CALCA: variants seen among roughly 807,000 people sequenced by gnomAD.
CALCA encodes calcitonin.
In CALCA, 4 loss-of-function variants were observed where a neutral mutation model predicts 6.9. That is an observed-to-expected ratio of 0.58 (90% CI 0.29 to 1.33). CALCA has a LOEUF of 1.33. Among genes scored for constraint, CALCA ranks in the 40% most tolerant of loss-of-function variants. The pLI, the probability that CALCA is intolerant of heterozygous loss-of-function variation, is 0.09. For synonymous variants in CALCA, 78 were observed against 70.0 expected, an observed-to-expected ratio of 1.11 and a Z score of -0.57; for missense variants, 174 against 178.3, an observed-to-expected ratio of 0.98 and a Z score of 0.14.
At chr11:14,969,863 C>T in intron 3 of CALCA, 72 bp downstream of exon 3, 1 of 1,608,454 alleles carries the variant, frequency 6.2e-7, no homozygotes. Flanking sequence ...TCTCTCCTAC[C>T]TCTCGGGATC....
At chr11:14,971,374 C>T (rs1849601188) in intron 1 of CALCA, among the ~76,000 whole-genome samples, 173 bp from the exon 2 acceptor site, 1 of 152,150 alleles carries the variant, frequency 6.6e-6, no homozygotes, top group South Asian at 2.1e-4. Context: ...CAGTGGACTT[C>T]TGGGAGGTTC....
At chr11:14,968,176 A>C (rs1165839550), downstream of CALCA, 2 of 411,786 alleles carry the variant, frequency 4.9e-6, no homozygotes, top group Non-Finnish European at 9.1e-6. Context: ...ATGACACTGG[A>C]GTGAATTATG....
downstream of CALCA, chr11:14,967,933 T>A: frequency 1.3e-6 from 2 of 1,545,634 alleles, no homozygotes; most frequent in South Asian, 1.1e-5. Context: ...GGGACCTTCA[T>A]GGTAAAGTTG....
chr11:14,970,627 C>T (rs991578083), intron 2 of CALCA, among the ~76,000 whole-genome samples: 3 of 152,108 alleles, frequency 2.0e-5, no homozygotes, highest in East Asian at 1.9e-4. Context: ...AGGCCGGGCG[C>T]GGTGGCTCAC....
chr11:14,968,311 A>G, downstream of CALCA: 1 of 418,902 alleles, frequency 2.4e-6, no homozygotes, highest in African/African-American at 2.1e-5. Flanking sequence ...CGGAGTTTGC[A>G]GCATCAAGTC....
chr11:14,969,809 G>C, intron 3 of CALCA, 126 bp downstream of exon 3: 4 of 1,451,814 alleles, frequency 2.8e-6, no homozygotes, highest in Non-Finnish European at 3.8e-6. Flanking sequence ...TGGGCCCCAG[G>C]TCCCGGTGAA....
chr11:14,967,976 T>C, downstream of CALCA: 1 of 1,145,076 alleles, frequency 8.7e-7, no homozygotes, highest in Non-Finnish European at 1.3e-6. Context: ...ACTTTAAGTG[T>C]TTCTCCTAAA....
chr11:14,970,974 C>CA, intron 2 of CALCA, 133 bp downstream of exon 2: 2 of 701,840 alleles, frequency 2.8e-6, no homozygotes, highest in East Asian at 2.7e-5. Context: ...ATTTTTATAT[C>CA]AAAAAATTAT....
downstream of CALCA, chr11:14,967,899 G>A: frequency 6.2e-7 from 1 of 1,612,666 alleles, no homozygotes. Flanking sequence ...GTGAGTGAGA[G>A]GCTGGGAGAG....
downstream of CALCA, chr11:14,967,524 G>A (rs542079308): frequency 4.7e-6 from 4 of 847,032 alleles, no homozygotes; most frequent in Admixed American, 4.9e-5. Flanking sequence ...AAATTCTAGG[G>A]TCTTAGCTAC....
chr11:14,967,631 AC>A, downstream of CALCA: 1 of 1,610,738 alleles, frequency 6.2e-7, no homozygotes, highest in Non-Finnish European at 8.5e-7. Flanking sequence ...CCCTGTAAAA[AC>A]CAGTCATTCA....
chr11:14,967,762 T>C (rs1849490962), downstream of CALCA: 1 of 1,614,226 alleles, frequency 6.2e-7, no homozygotes. Context: ...CACAAAGTTG[T>C]TCTTCACCAC....
At position 14,972,282 on chromosome 11, in the gene CALCA, G is replaced by A; in HGVS notation, c.-47C>T. ...GGCTTGGATCAGAGGCGGTGGCAGC[G>A]GCGGCGGCGGCGTCCAGCCAGAGCC... On this transcript the variant is annotated 5_prime_UTR_variant, in exon 1 of 4. Coordinates refer to ENST00000331587, the MANE Select transcript of CALCA (RefSeq NM_001741.3). 1.3e-5 allele frequency: 2 copies of A among 154,966 alleles called. No homozygotes were observed. Among genetic ancestry groups the A allele is most frequent in the East Asian group, 1.9e-4 (1 of 5,248 alleles). The allele number at this position is 154,966 out of a possible 1,614,324, so 9.6% of individuals were successfully genotyped here.
chr11:14,971,592 C>T (rs1849607505), intron 1 of CALCA, among the ~76,000 whole-genome samples: 1 of 152,194 alleles, frequency 6.6e-6, no homozygotes, highest in Non-Finnish European at 1.5e-5. Flanking sequence ...TCCTCCTCTT[C>T]TGGGGCTTTT....
chr11:14,968,841 T>C lies in CALCA; in HGVS notation c.384A>G (p.Arg128=), dbSNP rs1555025837. 6 of 1,614,170 alleles carry C rather than the reference T, an allele frequency of 3.7e-6. No individual in the cohort carries two copies. The South Asian group carries it at 6.6e-5, about 18-fold the overall frequency. ...KKRDMSSDLE[R]DHRPHVSMPQ... ...GCATGCTAACATGAGGGCGATGGTC[T>C]CTCTCCAAGTCGCTGGACATATCCC... is the stretch of plus-strand genomic sequence containing the variant. Residue 128 remains arginine, a synonymous_variant, in exon 4 of 4, where the codon AGA becomes AGG. Transcript: ENST00000331587.
intron 2 of CALCA, among the ~76,000 whole-genome samples, chr11:14,970,451 T>A (rs577192451): frequency 7.9e-5 from 12 of 152,286 alleles, no homozygotes; most frequent in African/African-American, 2.6e-4. Context: ...AAATACCAGA[T>A]TTAACAATAA....
chr11:14,969,829 C>A, intron 3 of CALCA, 106 bp downstream of exon 3: 1 of 1,557,750 alleles, frequency 6.4e-7, no homozygotes. Flanking sequence ...ACAACACAGC[C>A]TGTTGGATTC....
chr11:14,969,882 T>C (rs1026657196), intron 3 of CALCA, 53 bp downstream of exon 3: 9 of 1,611,790 alleles, frequency 5.6e-6, no homozygotes, highest in Admixed American at 3.3e-5. Context: ...TCCACCTTCC[T>C]GTGTATGCTG....
rs34164367 is a variant in CALCA at position 14,969,963 on chromosome 11, C to T, written c.199G>A (p.Glu67Lys). ...DYVQMKASEL[E>K]QEQEREGSSL... ...GAGCCCTCTCTCTCTTGCTCCTGCT[C>T]CAGCTCACTGGCCTTCATCTGCACA... Residue 67 changes from glutamate to lysine, a missense_variant, in exon 3 of 4, where the codon GAG (glutamate) becomes AAG (lysine). Transcript: ENST00000331587. 162 of 1,613,668 alleles carry T rather than the reference C, an allele frequency of 1.0e-4. 1 individual carries two copies. In the African/African-American group the frequency reaches 2.0e-3, roughly 20 times the overall value.
Sources: gnomAD v4.1 joint callset for allele counts (sites outside exome capture counted in the v4.1 genomes callset) on GRCh38, gnomAD v4.1.1 for gene constraint, MANE v1.5 for transcripts, NCBI Gene and HGNC (gene_info 2026-07-23, HGNC 2026-07-21) for gene names.